The following CFAP299 variants were observed in gnomAD, a reference collection of about 807,000 sequenced individuals.
CFAP299 encodes the protein cilia and flagella associated protein 299.
In CFAP299, 21 loss-of-function variants were observed where a neutral mutation model predicts 27.0. The observed-to-expected ratio is 0.78, with a 90% confidence interval of 0.55 to 1.12. CFAP299 has a LOEUF of 1.12. Among genes scored for constraint, CFAP299 ranks in the 50% most tolerant of loss-of-function variants. The probability of loss-of-function intolerance (pLI) is 0.00; values close to 1 mark genes in which losing one functional copy is unlikely to be tolerated. For missense variants in CFAP299, 310 were observed against 276.6 expected (o/e 1.12, Z -0.86); for synonymous variants, 104 against 98.1 (o/e 1.06, Z -0.36).
chr4:80,576,493 G>T (rs1229485413), intron 2 of CFAP299, among the ~76,000 whole-genome samples: 5 of 151,758 alleles, frequency 3.3e-5, no homozygotes, highest in Non-Finnish European at 7.4e-5. Flanking sequence ...TCATCAATTT[G>T]CAAATAATTT....
chr4:80,382,128 C>A (rs962087533), intron 2 of CFAP299, among the ~76,000 whole-genome samples: 1 of 152,092 alleles, frequency 6.6e-6, no homozygotes, highest in Non-Finnish European at 1.5e-5. Flanking sequence ...GAAACTGGAC[C>A]CCTTCCTCAC....
chr4:80,476,960 CGTGT>C (rs34671713), intron 2 of CFAP299, among the ~76,000 whole-genome samples: 4,514 of 106,534 alleles, frequency 0.042, 92 homozygotes, highest in Non-Finnish European at 0.068. Flanking sequence ...TGTGCGCATG[CGTGT>C]GTGTGTGTGT....
chr4:80,344,209 A>G (rs2125240), intron 1 of CFAP299, among the ~76,000 whole-genome samples: 135,171 of 151,922 alleles, frequency 0.89, 60,404 homozygotes, highest in East Asian at 1. Context: ...AAATCCAGGA[A>G]CTAGTTTTTT....
At chr4:80,703,221 C>T (rs76529731) in intron 3 of CFAP299, among the ~76,000 whole-genome samples, 160 of 151,830 alleles carry the variant, frequency 1.1e-3, no homozygotes, top group African/African-American at 3.6e-3. Context: ...CCCAACTAGT[C>T]TCTGTAACTA....
chr4:80,688,695 ATGACTT>A (rs1720416696), intron 3 of CFAP299, among the ~76,000 whole-genome samples: 2 of 152,252 alleles, frequency 1.3e-5, no homozygotes, highest in Non-Finnish European at 2.9e-5. Flanking sequence ...TGGACGGAGA[ATGACTT>A]TGAGAAGCTG....
At chr4:80,608,161 GCTAT>G (rs1405013989) in intron 3 of CFAP299, among the ~76,000 whole-genome samples, 2 of 152,106 alleles carry the variant, frequency 1.3e-5, no homozygotes, top group Admixed American at 6.5e-5. Flanking sequence ...AGAGATATGA[GCTAT>G]CTAATTTTTT....
At chr4:80,663,234 A>G (rs560630052) in intron 3 of CFAP299, among the ~76,000 whole-genome samples, 1 of 152,190 alleles carries the variant, frequency 6.6e-6, no homozygotes, top group East Asian at 1.9e-4. Flanking sequence ...TGATGCACCC[A>G]TCAACCCATC....
At chr4:80,855,893 A>C (rs1731846229) in intron 3 of CFAP299, among the ~76,000 whole-genome samples, 1 of 151,790 alleles carries the variant, frequency 6.6e-6, no homozygotes, top group African/African-American at 2.4e-5. Context: ...TTATAGCAGC[A>C]TGATTTATAG....
intron 3 of CFAP299, among the ~76,000 whole-genome samples, chr4:80,760,891 C>T (rs1325948866): frequency 6.6e-6 from 1 of 151,900 alleles, no homozygotes; most frequent in Non-Finnish European, 1.5e-5. Flanking sequence ...GGGAGGGAAA[C>T]CAGGGAAGGA....
At position 80,575,175 on chromosome 4, in the gene CFAP299, A is replaced by G. The variant is rs75249748; in HGVS notation, c.243-7918A>G. On this transcript the variant is annotated intron_variant, in intron 2 of 5. Transcript: ENST00000358105. ...GTCTGTTTATGTTTTGGTTTTCTTC[A>G]TGGTTCAATTTTGGTAAGTTATACA... Among the ~76,000 whole-genome samples the G allele has an allele frequency of 6.8e-3, 1,041 of 152,142 alleles. 13 individuals carry two copies. The highest frequency in any genetic ancestry group is 0.024 in the African/African-American group (999 of 41,510).
chr4:80,454,870 G>A (rs1264957070), intron 2 of CFAP299, among the ~76,000 whole-genome samples: 1 of 152,138 alleles, frequency 6.6e-6, no homozygotes, highest in Non-Finnish European at 1.5e-5. Context: ...TGGGTAGGGG[G>A]TTGGGAAGTG....
intron 2 of CFAP299, among the ~76,000 whole-genome samples, chr4:80,517,802 G>T (rs1732658933): frequency 6.6e-6 from 1 of 152,192 alleles, no homozygotes; most frequent in Non-Finnish European, 1.5e-5. Context: ...ATCAGTGAGG[G>T]TGTAGGAGAG....
At chr4:80,333,399 T>G (rs1722010647), upstream of CFAP299, among the ~76,000 whole-genome samples, 1 of 152,096 alleles carries the variant, frequency 6.6e-6, no homozygotes, top group Non-Finnish European at 1.5e-5. Flanking sequence ...CCTATTAGAG[T>G]AAGTATATGT....
At chr4:80,526,954 G>A (rs1733216112) in intron 2 of CFAP299, among the ~76,000 whole-genome samples, 1 of 152,130 alleles carries the variant, frequency 6.6e-6, no homozygotes, top group African/African-American at 2.4e-5. Context: ...TTTCTAGGGT[G>A]TAGTGAATGA....
intron 2 of CFAP299, among the ~76,000 whole-genome samples, chr4:80,436,107 C>T (rs1294867405): frequency 1.3e-5 from 2 of 152,066 alleles, no homozygotes; most frequent in Admixed American, 1.3e-4. Context: ...CAGACTGTGG[C>T]AAAGAATGTT....
At chr4:80,641,482 C>T (rs1279731846) in intron 3 of CFAP299, among the ~76,000 whole-genome samples, 2 of 152,198 alleles carry the variant, frequency 1.3e-5, no homozygotes, top group Non-Finnish European at 2.9e-5. Flanking sequence ...GGATTACAGG[C>T]ATGAGCCACC....
chr4:80,392,263 AC>A (rs1429525952), intron 2 of CFAP299, among the ~76,000 whole-genome samples: 1 of 152,084 alleles, frequency 6.6e-6, no homozygotes, highest in African/African-American at 2.4e-5. Flanking sequence ...TTGGGCTTGG[AC>A]TTTTGGGTTA....
intron 2 of CFAP299, among the ~76,000 whole-genome samples, chr4:80,460,310 T>G (rs1052579653): frequency 1.3e-5 from 2 of 152,198 alleles, no homozygotes; most frequent in African/African-American, 4.8e-5. Context: ...ATTTCACCAA[T>G]GCAGATTTTT....
chr4:80,765,293 T>G (rs1296231579), intron 3 of CFAP299, among the ~76,000 whole-genome samples: 2 of 152,300 alleles, frequency 1.3e-5, no homozygotes, highest in East Asian at 3.9e-4. Context: ...AGCCTCATGC[T>G]GAAACAGTCT....
Sources: gnomAD v4.1 joint callset for allele counts (sites outside exome capture counted in the v4.1 genomes callset) on GRCh38, gnomAD v4.1.1 for gene constraint, MANE v1.5 for transcripts, NCBI Gene and HGNC (gene_info 2026-07-23, HGNC 2026-07-21) for gene names.